The following INTS6 variants were observed in gnomAD, a reference collection of about 807,000 sequenced individuals.
INTS6 encodes integrator complex subunit 6.
Under a neutral mutation model 104.9 loss-of-function variants are expected in INTS6, and 16 were observed. The ratio of observed to expected loss-of-function variants is 0.15; its 90% CI spans 0.10 to 0.23. The LOEUF is 0.23. Ranked by LOEUF, INTS6 falls within the 10% of genes least tolerant of loss-of-function variation. The probability of loss-of-function intolerance (pLI) is 1.00; values close to 1 mark genes in which losing one functional copy is unlikely to be tolerated. For synonymous variants in INTS6, 324 were observed against 358.7 expected (o/e 0.90, Z 1.09); for missense variants, 584 against 1,062.8 (o/e 0.55, Z 6.26).
chr13:51,414,604 T>C (rs1247375028), intron 4 of INTS6, among the ~76,000 whole-genome samples: 4 of 152,108 alleles, frequency 2.6e-5, no homozygotes, highest in African/African-American at 9.7e-5. Context: ...TTGGATAATG[T>C]AGATGGAAAA....
intron 5 of INTS6, among the ~76,000 whole-genome samples, chr13:51,390,062 C>T (rs927734644): frequency 2.6e-5 from 4 of 151,916 alleles, no homozygotes; most frequent in Admixed American, 6.6e-5. Flanking sequence ...CCCTTTTGTA[C>T]GTTTTAACTT....
chr13:51,404,103 CAGAG>C lies in INTS6; in HGVS notation c.430-8624_430-8621del, dbSNP rs376831870. Among the ~76,000 whole-genome samples the C allele has an allele frequency of 9.9e-3, 1,024 of 103,908 alleles. 10 individuals carry two copies. The highest frequency in any genetic ancestry group is 0.038 in the South Asian group (113 of 2,964). The allele number at this position is 103,908 out of a possible 152,430, so 68.2% of individuals were successfully genotyped here. On this transcript the variant is annotated intron_variant, in intron 4 of 17. Coordinates refer to ENST00000311234, the MANE Select transcript of INTS6 (RefSeq NM_012141.3). ...ACACACACACACACACACACACACACAGAGAGAGAGAGAGAGAGAGACAACCCAG... is the reference window on the plus strand; with the variant it reads ...ACACACACACACACACACACACACACAGAGAGAGAGAGAGAGACAACCCAG...
chr13:51,388,372 TG>T lies in INTS6; in HGVS notation c.740-833del, dbSNP rs1327211504. Among the ~76,000 whole-genome samples, 23 of 149,024 alleles carry T rather than the reference TG, an allele frequency of 1.5e-4. No homozygotes were observed. The East Asian group carries it at 3.5e-3, about 23-fold the overall frequency. Reference sequence around the variant, plus strand: ...TAAATCTTTGTGTGTGTGTGTGTTTTGTTTTTTTTTGTTTTTGTTTTTGTTT... The same window carrying T: ...TAAATCTTTGTGTGTGTGTGTGTTTTTTTTTTTTTGTTTTTGTTTTTGTTT... On this transcript the variant is annotated intron_variant, in intron 6 of 17. Transcript: ENST00000311234.
chr13:51,387,317 A>G lies in INTS6; in HGVS notation c.894+69T>C, dbSNP rs547479215. The G allele has an allele frequency of 2.2e-6, 3 of 1,381,050 alleles. No individual in the cohort carries two copies. In the African/African-American group the frequency reaches 4.4e-5, roughly 20 times the overall value. 85.5% of individuals were successfully genotyped at this position (1,381,050 alleles called of 1,614,324 possible). On this transcript the variant is annotated intron_variant, in intron 7 of 17. Coordinates refer to ENST00000311234, the MANE Select transcript of INTS6 (RefSeq NM_012141.3). ...ATAAATTAATCACAGCTTTGACAACAGAATTTGAAACTAATAGGAAAGACA... is the reference window on the plus strand; with the variant it reads ...ATAAATTAATCACAGCTTTGACAACGGAATTTGAAACTAATAGGAAAGACA...
intron 4 of INTS6, among the ~76,000 whole-genome samples, chr13:51,420,104 T>C (rs1037600750): frequency 1.3e-5 from 2 of 152,188 alleles, no homozygotes; most frequent in Admixed American, 6.6e-5. Flanking sequence ...AAATGTTTGC[T>C]GACCCCTAGT....
intron 3 of INTS6, chr13:51,436,758 A>G (rs1183622055): frequency 6.6e-6 from 1 of 152,244 alleles, no homozygotes; most frequent in Non-Finnish European, 1.5e-5. Context: ...TATCTGAAAT[A>G]TTAATAATTT....
chr13:51,451,923 G>A, intron 2 of INTS6, 55 bp downstream of exon 2: 1 of 1,365,940 alleles, frequency 7.3e-7, no homozygotes, highest in Non-Finnish European at 1.0e-6. Context: ...GGGAGGGCGA[G>A]CGAGGAAGGA....
At chr13:51,390,043 C>T (rs971597380) in intron 5 of INTS6, among the ~76,000 whole-genome samples, 5 of 151,966 alleles carry the variant, frequency 3.3e-5, no homozygotes, top group Non-Finnish European at 7.4e-5. Context: ...ACCTGTCTCA[C>T]GTGAATTCCC....
chr13:51,439,460 A>C (rs1031243937), intron 3 of INTS6: 2 of 152,176 alleles, frequency 1.3e-5, no homozygotes, highest in Non-Finnish European at 2.9e-5. Context: ...TCCATATACC[A>C]ATAATCAATT....
At chr13:51,418,755 T>C (rs923080389) in intron 4 of INTS6, among the ~76,000 whole-genome samples, 1 of 152,220 alleles carries the variant, frequency 6.6e-6, no homozygotes, top group Admixed American at 6.5e-5. Context: ...CCTGCAATAC[T>C]GAAATACTTT....
chr13:51,406,802 C>T (rs1956575745), intron 4 of INTS6, among the ~76,000 whole-genome samples: 1 of 152,148 alleles, frequency 6.6e-6, no homozygotes, highest in Admixed American at 6.5e-5. Flanking sequence ...GCTTGTCCAA[C>T]CCGTGGTCCA....
In INTS6 at chr13:51,452,184, G is replaced by A. The variant is rs1953072961; in HGVS notation, c.112-129C>T. On this transcript the variant is annotated intron_variant, in intron 1 of 17. Coordinates refer to ENST00000311234, the MANE Select transcript of INTS6 (RefSeq NM_012141.3). This position sits in a 1 kb window ranked among gnomAD's most constrained non-coding sequence, Gnocchi z 4.2. ...GCACACGCAGCGGCCACCCCTCCAC[G>A]CCGTCCCCCACACACAGATCGCTCC... 9.8e-5 allele frequency: 89 copies of A among 907,526 alleles called. 2 individuals are homozygous for A. The South Asian group carries it at 1.3e-3, about 13-fold the overall frequency. 56.2% of individuals were successfully genotyped at this position (907,526 alleles called of 1,614,324 possible).
At position 51,381,357 on chromosome 13, in the gene INTS6, T is replaced by C. The variant is rs576393420; in HGVS notation, c.1275+672A>G. On this transcript the variant is annotated intron_variant, in intron 10 of 17. Transcript: ENST00000311234. ...ACTGAATTTCAGGCTCCTCATCCCCTCACATATTAGCTATGTAGCCTTGTG... is the reference window on the plus strand; with the variant it reads ...ACTGAATTTCAGGCTCCTCATCCCCCCACATATTAGCTATGTAGCCTTGTG... Among the ~76,000 whole-genome samples, 25 of 152,316 alleles carry C rather than the reference T, an allele frequency of 1.6e-4. 1 individual carries two copies. In the South Asian group the frequency reaches 2.3e-3, roughly 14 times the overall value.
chr13:51,437,724 G>A (rs965240511), intron 3 of INTS6: 2 of 152,222 alleles, frequency 1.3e-5, no homozygotes, highest in Admixed American at 1.3e-4. Flanking sequence ...AAGGCATAAT[G>A]TGAGGCCGGG....
chr13:51,388,627 A>G (rs906173414), intron 6 of INTS6, among the ~76,000 whole-genome samples: 5 of 152,156 alleles, frequency 3.3e-5, no homozygotes, highest in Non-Finnish European at 7.4e-5. Context: ...TCCCAACCTC[A>G]GGTGATCCAC....
At chr13:51,422,882 C>T in intron 4 of INTS6, 1 of 329,786 alleles carries the variant, frequency 3.0e-6, no homozygotes, top group South Asian at 2.7e-5. Flanking sequence ...CATGCTTTTG[C>T]ATACTGTTTT....
At chr13:51,406,252 CTCTA>C (rs1956562502) in intron 4 of INTS6, among the ~76,000 whole-genome samples, 2 of 152,210 alleles carry the variant, frequency 1.3e-5, no homozygotes, top group East Asian at 1.9e-4. Context: ...TATTTTGAGC[CTCTA>C]TCTCTCTCTG....
rs1223672826 is a variant in INTS6 at position 51,414,787 on chromosome 13, C to A, written c.429+15507G>T. ...AAGTACTATCAGGCCTTTATAGATTCATTTCCGTTTCTTCCTTCTATATAT... is the reference window on the plus strand; with the variant it reads ...AAGTACTATCAGGCCTTTATAGATTAATTTCCGTTTCTTCCTTCTATATAT... On this transcript the variant is annotated intron_variant, in intron 4 of 17. Transcript: ENST00000311234. Among the ~76,000 whole-genome samples, 12 of 150,946 alleles carry A rather than the reference C, an allele frequency of 7.9e-5. No homozygotes were observed. The South Asian group carries it at 1.3e-3, about 16-fold the overall frequency.
chr13:51,339,873 G>C, the INTS6 span: 3 of 152,000 alleles, frequency 2.0e-5, no homozygotes, highest in Non-Finnish European at 2.9e-5. Context: ...TGAGAACCCT[G>C]GGGCTTAAGA....
Sources: allele counts gnomAD v4.1 joint callset (sites outside exome capture counted in the v4.1 genomes callset), GRCh38; gene constraint gnomAD v4.1.1; non-coding constraint Gnocchi (gnomAD v3.1); transcripts MANE v1.5; gene names NCBI Gene and HGNC (gene_info 2026-07-23, HGNC 2026-07-21).